The following GSG1L variants were observed in gnomAD, a reference collection of about 807,000 sequenced individuals.
GSG1L encodes the protein germ cell-specific gene 1-like protein.
A neutral mutation model predicts 42.1 loss-of-function variants in GSG1L; 24 were observed. The ratio of observed to expected loss-of-function variants is 0.57; its 90% CI spans 0.41 to 0.80. The LOEUF is 0.80. Ranked by LOEUF, GSG1L falls within the 30% of genes least tolerant of loss-of-function variation. The pLI is 0.00. For missense variants in GSG1L, 445 were observed against 472.2 expected, an observed-to-expected ratio of 0.94 and a Z score of 0.53; for synonymous variants, 215 against 203.5, an observed-to-expected ratio of 1.06 and a Z score of -0.48.
At chr16:28,031,988 G>A (rs1220252209) in intron 1 of GSG1L, among the ~76,000 whole-genome samples, 1 of 152,174 alleles carries the variant, frequency 6.6e-6, no homozygotes, top group East Asian at 1.9e-4. Flanking sequence ...AAATAATCTG[G>A]AAGTGGAGAA....
intron 2 of GSG1L, among the ~76,000 whole-genome samples, chr16:27,905,304 C>A (rs1474022758): frequency 6.6e-6 from 1 of 151,002 alleles, no homozygotes; most frequent in African/African-American, 2.4e-5. Context: ...AATGCTATTC[C>A]GTTCATGCCA....
intron 1 of GSG1L, among the ~76,000 whole-genome samples, chr16:28,053,669 C>T (rs558768610): frequency 6.6e-6 from 1 of 152,290 alleles, no homozygotes; most frequent in South Asian, 2.1e-4. Context: ...CCCTCGCTCG[C>T]CTCTCTCCTC....
chr16:28,037,004 G>GGTT (rs949042054), intron 1 of GSG1L, among the ~76,000 whole-genome samples: 29 of 151,962 alleles, frequency 1.9e-4, no homozygotes, highest in Non-Finnish European at 2.2e-4. Context: ...CTTTATCTTT[G>GGTT]GTTGTTGTTG....
intron 5 of GSG1L, among the ~76,000 whole-genome samples, chr16:27,812,471 A>G (rs2083043329): frequency 6.6e-6 from 1 of 152,250 alleles, no homozygotes; most frequent in Non-Finnish European, 1.5e-5. Flanking sequence ...GAAAGCAGAC[A>G]TAGACGAGAT....
intron 2 of GSG1L, among the ~76,000 whole-genome samples, chr16:27,934,830 G>A (rs2084696198): frequency 6.6e-6 from 1 of 152,174 alleles, no homozygotes; most frequent in Non-Finnish European, 1.5e-5. Context: ...GATCCAATGA[G>A]ACCATGAGCT....
intron 6 of GSG1L, among the ~76,000 whole-genome samples, chr16:27,799,139 C>T (rs980793017): frequency 6.6e-6 from 1 of 151,848 alleles, no homozygotes; most frequent in Admixed American, 6.6e-5. Flanking sequence ...TGTGGTGTCT[C>T]ATGCCTGTAA....
chr16:27,887,725 T>A (rs970103686), intron 2 of GSG1L, among the ~76,000 whole-genome samples: 3 of 152,196 alleles, frequency 2.0e-5, no homozygotes, highest in African/African-American at 7.2e-5. Flanking sequence ...ACACCCACTA[T>A]CATTCCTAGC....
chr16:28,003,035 G>A (rs2085597158), intron 1 of GSG1L, among the ~76,000 whole-genome samples: 1 of 152,242 alleles, frequency 6.6e-6, no homozygotes, highest in South Asian at 2.1e-4. Context: ...GGGCAGGAAT[G>A]AACTTGGAGT....
At chr16:27,928,630 C>T (rs1418241033) in intron 2 of GSG1L, among the ~76,000 whole-genome samples, 1 of 152,236 alleles carries the variant, frequency 6.6e-6, no homozygotes, top group Admixed American at 6.5e-5. Context: ...AGGCTGCTTC[C>T]TGCTGACATT....
intron 3 of GSG1L, among the ~76,000 whole-genome samples, chr16:27,878,313 A>G (rs938454202): frequency 3.3e-5 from 5 of 152,186 alleles, no homozygotes; most frequent in African/African-American, 9.7e-5. Flanking sequence ...GAAACTTACA[A>G]TCATGGTGGA....
chr16:27,905,800 C>G (rs978998903), intron 2 of GSG1L, among the ~76,000 whole-genome samples: 2 of 152,086 alleles, frequency 1.3e-5, no homozygotes, highest in African/African-American at 4.8e-5. Flanking sequence ...ATGGTGAGCT[C>G]TGAATCTCTA....
intron 6 of GSG1L, among the ~76,000 whole-genome samples, chr16:27,800,509 A>T (rs1180646771): frequency 6.6e-6 from 1 of 152,312 alleles, no homozygotes; most frequent in Admixed American, 6.5e-5. Flanking sequence ...AGATGCAGAC[A>T]CCTGGGCCAT....
At chr16:27,911,239 C>G (rs1329539725) in intron 2 of GSG1L, among the ~76,000 whole-genome samples, 1 of 148,708 alleles carries the variant, frequency 6.7e-6, no homozygotes, top group Non-Finnish European at 1.5e-5. Flanking sequence ...GGCCTCCTTT[C>G]TTCTCTAGCC....
At chr16:27,899,538 G>C (rs193255872) in intron 2 of GSG1L, among the ~76,000 whole-genome samples, 33 of 152,324 alleles carry the variant, frequency 2.2e-4, no homozygotes, top group African/African-American at 7.5e-4. Flanking sequence ...GCAACACAGT[G>C]AGACCCTGCC....
At chr16:27,793,068 G>C in intron 6 of GSG1L, among the ~76,000 whole-genome samples, 1 of 152,246 alleles carries the variant, frequency 6.6e-6, no homozygotes, top group Non-Finnish European at 1.5e-5. Flanking sequence ...TTTAGGGTCA[G>C]ACAGGCTCTT....
intron 2 of GSG1L, among the ~76,000 whole-genome samples, chr16:27,953,343 G>A (rs971481659): frequency 2.6e-5 from 4 of 152,106 alleles, no homozygotes; most frequent in Non-Finnish European, 5.9e-5. Context: ...TCCCACCTTG[G>A]CCTCCCAAAG....
intron 3 of GSG1L, among the ~76,000 whole-genome samples, chr16:27,882,509 C>T (rs1287234726): frequency 2.0e-5 from 3 of 152,174 alleles, no homozygotes; most frequent in Non-Finnish European, 4.4e-5. Context: ...CAACATTCCT[C>T]CTCTCCCTAC....
chr16:27,987,896 G>A (rs575339843), intron 1 of GSG1L, among the ~76,000 whole-genome samples: 8 of 122,856 alleles, frequency 6.5e-5, no homozygotes, highest in Admixed American at 2.2e-4. Flanking sequence ...GCAGTGAGCC[G>A]AAATCGTGCC....
chr16:27,788,686 C>G lies in GSG1L; in HGVS notation c.*2684G>C, dbSNP rs573762664. On this transcript the variant is annotated 3_prime_UTR_variant, in exon 7 of 7. Transcript: ENST00000447459. ...AAGGAGCCTCCCTAGACTACAGCTC[C>G]CACAGCCCCGATTTCCCCTTGTTGT... 6.6e-6 allele frequency: 1 copy of G among 152,356 alleles called. No homozygotes were observed. Among genetic ancestry groups the G allele is most frequent in the Non-Finnish European group, 1.5e-5 (1 of 68,048 alleles). The allele number at this position is 152,356 out of a possible 1,614,324, so 9.4% of individuals were successfully genotyped here.
Sources: allele counts gnomAD v4.1 joint callset (sites outside exome capture counted in the v4.1 genomes callset), GRCh38; gene constraint gnomAD v4.1.1; transcripts MANE v1.5; gene names NCBI Gene and HGNC (gene_info 2026-07-23, HGNC 2026-07-21).